ZNF423: variants seen among roughly 807,000 people sequenced by gnomAD.
ZNF423 encodes Ebf-associated zinc finger protein.
A neutral mutation model predicts 95.8 loss-of-function variants in ZNF423; 12 were observed. The ratio of observed to expected loss-of-function variants is 0.13; its 90% confidence interval spans 0.08 to 0.20. ZNF423 has a LOEUF of 0.20. Among genes scored for constraint, ZNF423 ranks in the 10% least tolerant of loss-of-function variants. The pLI, the probability that ZNF423 is intolerant of heterozygous loss-of-function variation, is 1.00. For synonymous variants in ZNF423, 749 were observed against 711.9 expected (o/e 1.05, Z -0.83); for missense variants, 1,316 against 1,737.1 (o/e 0.76, Z 4.31).
At chr16:49,679,738 G>T (rs2031271546) in intron 3 of ZNF423, among the ~76,000 whole-genome samples, 1 of 152,228 alleles carries the variant, frequency 6.6e-6, no homozygotes, top group Non-Finnish European at 1.5e-5. Context: ...AGCAGAAAGG[G>T]GCGGGTCCCC....
At chr16:49,520,190 G>C (rs1264815629) in intron 7 of ZNF423, among the ~76,000 whole-genome samples, 1 of 152,198 alleles carries the variant, frequency 6.6e-6, no homozygotes, top group African/African-American at 2.4e-5. Flanking sequence ...TAGAAACAGG[G>C]CCTGGCACAT....
intron 7 of ZNF423, among the ~76,000 whole-genome samples, chr16:49,512,391 C>T (rs1023254695): frequency 6.6e-6 from 1 of 152,254 alleles, no homozygotes. Flanking sequence ...CTGCCTTCAG[C>T]TACCCCAGTA....
At chr16:49,725,405 A>T (rs977396979) in intron 3 of ZNF423, among the ~76,000 whole-genome samples, 6 of 152,182 alleles carry the variant, frequency 3.9e-5, no homozygotes, top group African/African-American at 7.2e-5. Flanking sequence ...TTAATTAAAA[A>T]AAATGAAGAC....
In ZNF423 at chr16:49,523,657, G is replaced by A. The variant is rs1555503854; in HGVS notation, c.3816C>T (p.Cys1272=). The change falls in exon 7 of 8, where the codon TGC becomes TGT. Residue 1272 remains cysteine (C), a synonymous_variant. Coordinates refer to ENST00000563137, the MANE Select transcript of ZNF423 (RefSeq NM_001379286.1). ...QEDKIYDCSQ[C]PQKFFFQTEL... ...CGGTCTGGAAGAAGAACTTCTGAGGGCACTGTGAGCAGTCGTAGATCTTGT... is the reference window on the plus strand; with the variant it reads ...CGGTCTGGAAGAAGAACTTCTGAGGACACTGTGAGCAGTCGTAGATCTTGT... The A allele has an allele frequency of 6.2e-7, 1 of 1,614,178 alleles. No homozygotes were observed.
intron 3 of ZNF423, among the ~76,000 whole-genome samples, chr16:49,726,853 T>C (rs1167851945): frequency 4.8e-5 from 1 of 20,846 alleles, no homozygotes; most frequent in Non-Finnish European, 8.6e-5. Flanking sequence ...GAGTTCCCCC[T>C]AGCAAAAAAA....
Position 49,618,130 on chromosome 16 carries a change from C to A in ZNF423, c.3601+8040G>T, listed in dbSNP as rs575465963. On this transcript the variant is annotated intron_variant, in intron 5 of 7. Transcript: ENST00000563137. Reference sequence around the variant, plus strand: ...AGCCTTCAGGTGCAGGGGTTAAGGGCGCAGGCCCCGAGTCACACTGGCTGA... The same window carrying A: ...AGCCTTCAGGTGCAGGGGTTAAGGGAGCAGGCCCCGAGTCACACTGGCTGA... Among the ~76,000 whole-genome samples the A allele has an allele frequency of 3.3e-5, 5 of 152,220 alleles. No homozygotes were observed. The South Asian group carries it at 6.2e-4, about 19-fold the overall frequency.
intron 5 of ZNF423, among the ~76,000 whole-genome samples, chr16:49,580,030 C>A (rs1223133745): frequency 6.6e-6 from 1 of 152,224 alleles, no homozygotes; most frequent in African/African-American, 2.4e-5. Flanking sequence ...GGACCCTGAG[C>A]TTCCACCCTT....
intron 5 of ZNF423, among the ~76,000 whole-genome samples, chr16:49,526,642 G>A (rs1176687969): frequency 6.6e-6 from 1 of 152,204 alleles, no homozygotes; most frequent in Admixed American, 6.5e-5. Flanking sequence ...TGGTGGGGAT[G>A]GGGAATCCCC....
At chr16:49,770,891 C>A (rs1028560882) in intron 2 of ZNF423, among the ~76,000 whole-genome samples, 1 of 152,206 alleles carries the variant, frequency 6.6e-6, no homozygotes, top group Non-Finnish European at 1.5e-5. Context: ...AGCCACCCCA[C>A]AGGAGCCTCC....
chr16:49,620,162 C>A (rs1054807766), intron 5 of ZNF423, among the ~76,000 whole-genome samples: 2 of 147,040 alleles, frequency 1.4e-5, no homozygotes, highest in African/African-American at 5.1e-5. Context: ...CACACACACA[C>A]CACACACACA....
In ZNF423 at chr16:49,637,057, T is replaced by C. The variant is rs756263731; in HGVS notation, c.2119A>G (p.Lys707Glu). The change falls in exon 4 of 8, where the codon AAG becomes GAG. Residue 707 changes from lysine to glutamate, a missense_variant. Coordinates refer to ENST00000563137, the MANE Select transcript of ZNF423 (RefSeq NM_001379286.1). The surrounding 1 kb of genome is among the most constrained non-coding windows in gnomAD (Gnocchi z 5.6). ...STHYVCESCDKQFSSVDDLQK... is the reference protein window; with the variant it reads ...STHYVCESCDEQFSSVDDLQK... Reference sequence around the variant, plus strand: ...AGGTCATCCACCGAGGAAAATTGCTTGTCGCAGCTCTCGCACACATAGTGG... The same window carrying C: ...AGGTCATCCACCGAGGAAAATTGCTCGTCGCAGCTCTCGCACACATAGTGG... 1 of 1,613,818 alleles carries C rather than the reference T, an allele frequency of 6.2e-7. No individual in the cohort carries two copies. Among genetic ancestry groups the C allele is most frequent in the Non-Finnish European group, 8.5e-7 (1 of 1,180,010 alleles).
intron 5 of ZNF423, among the ~76,000 whole-genome samples, chr16:49,531,919 T>C (rs1202176919): frequency 6.6e-6 from 1 of 152,184 alleles, no homozygotes; most frequent in Admixed American, 6.5e-5. Context: ...GCCCCAGAGC[T>C]GCAGCATTTT....
chr16:49,561,450 C>T (rs957591558), intron 5 of ZNF423, among the ~76,000 whole-genome samples: 12 of 152,100 alleles, frequency 7.9e-5, no homozygotes, highest in Non-Finnish European at 1.3e-4. Flanking sequence ...ATGACATGCA[C>T]GTACTTTTAA....
At chr16:49,597,689 T>G (rs905420621) in intron 5 of ZNF423, among the ~76,000 whole-genome samples, 1 of 152,138 alleles carries the variant, frequency 6.6e-6, no homozygotes, top group African/African-American at 2.4e-5. Flanking sequence ...ACCGTGTAAA[T>G]GGGAGGCCCC....
intron 5 of ZNF423, among the ~76,000 whole-genome samples, chr16:49,622,043 G>A (rs1972101319): frequency 6.6e-6 from 1 of 152,190 alleles, no homozygotes; most frequent in Non-Finnish European, 1.5e-5. Flanking sequence ...TAGCGCTTAA[G>A]TCCAAGGTTT....
chr16:49,839,328 T>C (rs1401554885), intron 1 of ZNF423, among the ~76,000 whole-genome samples: 1 of 151,996 alleles, frequency 6.6e-6, no homozygotes, highest in South Asian at 2.1e-4. Context: ...GGAGAAGGGC[T>C]AGATGCCTTG....
chr16:49,714,912 G>A (rs905286826), intron 3 of ZNF423, among the ~76,000 whole-genome samples: 2 of 152,166 alleles, frequency 1.3e-5, no homozygotes, highest in Non-Finnish European at 2.9e-5. Context: ...AATGGGAAGG[G>A]AGGTGTGAGT....
intron 3 of ZNF423, among the ~76,000 whole-genome samples, chr16:49,729,580 GACTGGGGTTTGGATT>G (rs2033109166): frequency 6.6e-6 from 1 of 151,584 alleles, no homozygotes; most frequent in Non-Finnish European, 1.5e-5. Flanking sequence ...AATTCCAAAT[GACTGGGGTTTGGATT>G]ACTGGGCCCC....
intron 5 of ZNF423, among the ~76,000 whole-genome samples, chr16:49,594,586 A>G (rs572536012): frequency 6.6e-6 from 1 of 152,318 alleles, no homozygotes; most frequent in South Asian, 2.1e-4. Context: ...CACAGATCCA[A>G]ATACAAAGCA....
Sources: gnomAD v4.1 joint callset for allele counts (sites outside exome capture counted in the v4.1 genomes callset) on GRCh38, gnomAD v4.1.1 for gene constraint, Gnocchi (gnomAD v3.1) non-coding constraint, MANE v1.5 for transcripts, NCBI Gene and HGNC (gene_info 2026-07-23, HGNC 2026-07-21) for gene names.